The following COL5A2 variants were observed in gnomAD, a reference collection of about 807,000 sequenced individuals.
COL5A2 encodes collagen alpha-2(V) chain.
A neutral mutation model predicts 208.2 loss-of-function variants in COL5A2; 23 were observed. The ratio of observed to expected loss-of-function variants is 0.11; its 90% CI spans 0.08 to 0.16. The LOEUF (loss-of-function observed/expected upper bound fraction) is 0.16. COL5A2 is among the 10% of genes least tolerant of loss of function. The pLI is 1.00. For missense variants in COL5A2, 1,590 were observed against 1,956.4 expected, an observed-to-expected ratio of 0.81 and a Z score of 3.53; for synonymous variants, 625 against 628.5, an observed-to-expected ratio of 0.99 and a Z score of 0.08.
the COL5A2 span, among the ~76,000 whole-genome samples, chr2:189,432,105 T>C: frequency 6.6e-6 from 1 of 152,290 alleles, no homozygotes; most frequent in Non-Finnish European, 1.5e-5. Flanking sequence ...CTAAGCTTCA[T>C]AAGTGAAGGA....
At chr2:189,059,498 C>A (rs1685974099) in intron 31 of COL5A2, among the ~76,000 whole-genome samples, 1 of 151,178 alleles carries the variant, frequency 6.6e-6, no homozygotes, top group East Asian at 1.9e-4. Context: ...ATCTTATTCT[C>A]CGAAATGGAC....
At chr2:189,272,945 A>G in the COL5A2 span, among the ~76,000 whole-genome samples, 12 of 152,262 alleles carry the variant, frequency 7.9e-5, no homozygotes, top group East Asian at 1.9e-3. Flanking sequence ...TTTGCCAACA[A>G]TGTCTTAGGA....
intron 47 of COL5A2, 148 bp downstream of exon 47, chr2:189,045,031 T>C: frequency 2.0e-6 from 1 of 497,000 alleles, no homozygotes; most frequent in South Asian, 4.1e-5. Flanking sequence ...CTTTAAAAAA[T>C]AAGAGTAAAC....
chr2:189,188,816 G>A (rs918280666), intron 1 of COL5A2, among the ~76,000 whole-genome samples: 4 of 152,174 alleles, frequency 2.6e-5, no homozygotes, highest in South Asian at 4.1e-4. Flanking sequence ...ATTATGTGGC[G>A]ACCAGAGGTC....
chr2:189,171,095 G>C (rs540695599), intron 1 of COL5A2, among the ~76,000 whole-genome samples: 4 of 152,140 alleles, frequency 2.6e-5, no homozygotes, highest in African/African-American at 7.2e-5. Context: ...AGAATGAAAG[G>C]GGATAGAGAG....
chr2:189,135,358 G>A (rs1442570356), intron 1 of COL5A2, among the ~76,000 whole-genome samples: 2 of 152,238 alleles, frequency 1.3e-5, no homozygotes, highest in East Asian at 3.9e-4. Context: ...CACACAGTCA[G>A]TTGTGAGTTA....
intron 1 of COL5A2, among the ~76,000 whole-genome samples, chr2:189,121,841 A>G (rs1687508815): frequency 1.3e-5 from 2 of 150,684 alleles, no homozygotes; most frequent in South Asian, 2.1e-4. Context: ...ACATTTTAGG[A>G]AGTCAAAAAA....
chr2:189,440,813 C>A, the COL5A2 span, among the ~76,000 whole-genome samples: 1 of 152,164 alleles, frequency 6.6e-6, no homozygotes, highest in African/African-American at 2.4e-5. Context: ...TGAAACCTGG[C>A]GGGACTGGCC....
At chr2:189,219,697 C>T (rs1013429837) in intron 1 of COL5A2, among the ~76,000 whole-genome samples, 1 of 152,120 alleles carries the variant, frequency 6.6e-6, no homozygotes, top group African/African-American at 2.4e-5. Flanking sequence ...ATAGTTTAAA[C>T]TTTTTATTAT....
At chr2:189,383,245 T>C in the COL5A2 span, among the ~76,000 whole-genome samples, 1 of 152,174 alleles carries the variant, frequency 6.6e-6, no homozygotes, top group African/African-American at 2.4e-5. Flanking sequence ...GCCAGATGCA[T>C]TGGTCTCTCC....
chr2:189,182,730 T>C (rs556363659), upstream of COL5A2, among the ~76,000 whole-genome samples: 2 of 152,300 alleles, frequency 1.3e-5, no homozygotes, highest in East Asian at 3.9e-4. Flanking sequence ...TGATAATGCC[T>C]TACTTACCTA....
In COL5A2 at chr2:189,086,770, C is replaced by G; in HGVS notation, c.646G>C (p.Gly216Arg). Residue 216 changes from glycine (G) to arginine (R), a missense_variant and splice_region_variant, in exon 9 of 54, where the codon GGT becomes CGT. Gly to Arg is a moderately radical substitution (Grantham distance 125). Transcript: ENST00000374866. Reference sequence around the variant, plus strand: ...TGTGGTCCCCTTGGGCCAACAGGACCCTTAAAAACAAATGAGGAGAAACGT... The same window carrying G: ...TGTGGTCCCCTTGGGCCAACAGGACGCTTAAAAACAAATGAGGAGAAACGT... ...SQVGLMPGSV[G>R]PVGPRGPQGL... 2 of 1,580,002 alleles carry G rather than the reference C, an allele frequency of 1.3e-6. No homozygotes were observed. The highest frequency in any genetic ancestry group is 2.3e-5 in the East Asian group (1 of 44,306).
At chr2:189,138,958 AC>A (rs1169602219) in intron 1 of COL5A2, among the ~76,000 whole-genome samples, 1 of 152,194 alleles carries the variant, frequency 6.6e-6, no homozygotes, top group Non-Finnish European at 1.5e-5. Context: ...TTATGTAGCT[AC>A]CCCACCCTTT....
rs369989325 is a variant in COL5A2, at chr2:189,054,740, A to G, written c.2392-528T>C. ...ACAGGGTCTCCACTCTACATTGCCC[A>G]GAATGGAGTGCAGTAGCCATTCACA... On this transcript the variant is annotated intron_variant, in intron 35 of 53. Coordinates refer to ENST00000374866, the MANE Select transcript of COL5A2 (RefSeq NM_000393.5). Among the ~76,000 whole-genome samples the G allele has an allele frequency of 9.7e-4, 131 of 134,482 alleles. 1 individual carries two copies. Among genetic ancestry groups the G allele is most frequent in the African/African-American group, 3.4e-3 (118 of 35,030 alleles). 88.2% of individuals were successfully genotyped at this position (134,482 alleles called of 152,430 possible). A position where few individuals can be genotyped will look rare whatever the true frequency, so the allele number is the denominator to read the frequency against.
chr2:189,168,916 T>C (rs1688522096), intron 1 of COL5A2, among the ~76,000 whole-genome samples: 1 of 152,164 alleles, frequency 6.6e-6, no homozygotes, highest in South Asian at 2.1e-4. Flanking sequence ...AGTGTGAGTA[T>C]GAAAAATGTG....
chr2:189,051,374 A>C lies in COL5A2; in HGVS notation c.2877T>G (p.Ala959=). 6.2e-7 allele frequency: 1 copy of C among 1,614,082 alleles called. No homozygotes were observed. Among genetic ancestry groups the C allele is most frequent in the Non-Finnish European group, 8.5e-7 (1 of 1,179,990 alleles). ...SHGRVGDRGP[A]GPPGGPGDKG... is the part of the protein sequence containing the mutation. The stretch of plus-strand genomic sequence containing the variant: ...TGTCTCCTGGGCCACCAGGGGGGCC[A>C]GCTGGTCCTCGATCTCCCACACGCC... The change falls in exon 42 of 54, where the codon GCT becomes GCG. Residue 959 remains alanine, a synonymous_variant. Coordinates refer to ENST00000374866, the MANE Select transcript of COL5A2 (RefSeq NM_000393.5).
intron 1 of COL5A2, among the ~76,000 whole-genome samples, chr2:189,208,052 G>A (rs1008139681): frequency 2.6e-5 from 4 of 152,122 alleles, no homozygotes; most frequent in African/African-American, 9.7e-5. Context: ...TCTCCAGTTA[G>A]CTATTACTTT....
At chr2:189,039,015 A>G (rs1238617656) in intron 51 of COL5A2, among the ~76,000 whole-genome samples, 2 of 152,162 alleles carry the variant, frequency 1.3e-5, no homozygotes, top group Non-Finnish European at 2.9e-5. Flanking sequence ...AATGACAGCC[A>G]TACTGACTCG....
At chr2:189,269,220 C>T in the COL5A2 span, among the ~76,000 whole-genome samples, 5 of 152,058 alleles carry the variant, frequency 3.3e-5, no homozygotes, top group East Asian at 1.9e-4. Context: ...TTATTCCTCA[C>T]ATTTTCTTCT....
Sources: gnomAD v4.1 joint callset for allele counts (sites outside exome capture counted in the v4.1 genomes callset) on GRCh38, gnomAD v4.1.1 for gene constraint, MANE v1.5 for transcripts, NCBI Gene and HGNC (gene_info 2026-07-23, HGNC 2026-07-21) for gene names.